Variants in IQCC observed in about 807,000 individuals in gnomAD.
The protein encoded by IQCC is IQ motif containing C, also known as IQ domain-containing protein C.
A neutral mutation model predicts 27.0 loss-of-function variants in IQCC; 23 were observed. The ratio of observed to expected loss-of-function variants is 0.85; its 90% CI spans 0.61 to 1.21. The LOEUF is 1.21. Ranked by LOEUF, IQCC falls within the 50% of genes most tolerant of loss-of-function variation. The pLI is 0.00. For missense variants in IQCC, 552 were observed against 562.3 expected (o/e 0.98, Z 0.19); for synonymous variants, 220 against 217.2 (o/e 1.01, Z -0.11).
chr1:32,207,444 C>G lies in IQCC; in HGVS notation c.763C>G (p.His255Asp). ...DDSCHRVKSP[H>D]RSPGSLATTQ... Reference sequence around the variant, plus strand: ...CTCCTGTCACAGGGTCAAATCACCCCACAGATCCCCAGGAAGTTTGGCCAC... The same window carrying G: ...CTCCTGTCACAGGGTCAAATCACCCGACAGATCCCCAGGAAGTTTGGCCAC... Residue 255 changes from histidine (H) to aspartate (D), a missense_variant, in exon 5 of 5, where the codon CAC (histidine) becomes GAC (aspartate). Transcript: ENST00000291358. 1 of 1,613,814 alleles carries G rather than the reference C, an allele frequency of 6.2e-7. No individual in the cohort carries two copies. Among genetic ancestry groups the G allele is most frequent in the Middle Eastern group, 1.6e-4 (1 of 6,062 alleles).
rs747607918 is a variant in IQCC, at chr1:32,207,849, C to G, written c.1168C>G (p.Pro390Ala). The G allele has an allele frequency of 1.2e-6, 2 of 1,613,872 alleles. No homozygotes were observed. Among genetic ancestry groups the G allele is most frequent in the East Asian group, 4.5e-5 (2 of 44,886 alleles). The change falls in exon 5 of 5, where the codon CCA becomes GCA. Residue 390 changes from proline (P) to alanine (A), a missense_variant. Pro to Ala is a conservative substitution (Grantham distance 27). Coordinates refer to ENST00000291358, the MANE Select transcript of IQCC (RefSeq NM_018134.3). ...CATCTGGGATGGTACCTTGGGGGGG[C>G]CAGAGCATAGTGTCCTCGATCTCTG... is the stretch of plus-strand genomic sequence containing the variant. ...HIIWDGTLGG[P>A]EHSVLDLWRT...
In IQCC at chr1:32,206,829, T is replaced by G. The variant is rs1047654009; in HGVS notation, c.439+68T>G. The G allele has an allele frequency of 1.9e-6, 3 of 1,567,594 alleles. No homozygotes were observed. The East Asian group carries it at 6.7e-5, about 35-fold the overall frequency. ...GTGCCTCAGCCTCCCATCTGAAGAG[T>G]GAAAGGCTTGCGCTAGATAAGCTGC... On this transcript the variant is annotated intron_variant, in intron 3 of 4. Transcript: ENST00000291358.
intron 1 of IQCC, 71 bp from the exon 2 acceptor site, chr1:32,206,083 A>T: frequency 6.2e-7 from 1 of 1,610,692 alleles, no homozygotes; most frequent in Non-Finnish European, 8.5e-7. Flanking sequence ...CGACCTCTTC[A>T]GGACAGTCCT....
chr1:32,205,857 T>A lies in IQCC; in HGVS notation c.42+134T>A, dbSNP rs1557521327. On this transcript the variant is annotated intron_variant, in intron 1 of 4. Coordinates refer to ENST00000291358, the MANE Select transcript of IQCC (RefSeq NM_018134.3). The surrounding 1 kb of genome is among the most constrained non-coding windows in gnomAD (Gnocchi z 5.6). ...CGCCAACCTCTGGAGATACCGGCTG[T>A]CCCCAACCGCGCTGAGGAAAGCTGG... The A allele has an allele frequency of 1.9e-6, 3 of 1,553,658 alleles. No individual in the cohort carries two copies. The highest frequency in any genetic ancestry group is 2.6e-6 in the Non-Finnish European group (3 of 1,148,366).
At position 32,206,166 on chromosome 1, in the gene IQCC, G is replaced by A; in HGVS notation, c.55G>A (p.Gly19Ser). The change falls in exon 2 of 5, where the codon GGC (glycine) becomes AGC (serine). Residue 19 changes from glycine to serine, a missense_variant. Transcript: ENST00000291358. Reference protein sequence around the residue: ...KVSALQACVRGFLVRRQFQSL... With the variant: ...KVSALQACVRSFLVRRQFQSL... ...TTCTCCATACCAGGCCTGCGTCCGG[G>A]GCTTCTTGGTCCGACGCCAGTTCCA... is the stretch of plus-strand genomic sequence containing the variant. 1 of 1,614,128 alleles carries A rather than the reference G, an allele frequency of 6.2e-7. No homozygotes were observed. Among genetic ancestry groups the A allele is most frequent in the Non-Finnish European group, 8.5e-7 (1 of 1,180,012 alleles).
chr1:32,206,088 A>C (rs1270290403), intron 1 of IQCC, 66 bp from the exon 2 acceptor site: 22 of 1,610,912 alleles, frequency 1.4e-5, no homozygotes, highest in Non-Finnish European at 1.6e-5. Flanking sequence ...TCTTCAGGAC[A>C]GTCCTCCGAG....
chr1:32,206,508 G>A lies in IQCC; in HGVS notation c.187-1G>A, dbSNP rs867660301. 7.4e-6 allele frequency: 12 copies of A among 1,613,958 alleles called. No homozygotes were observed. Among genetic ancestry groups the A allele is most frequent in the Admixed American group, 5.0e-5 (3 of 60,002 alleles). On this transcript the variant is annotated splice_acceptor_variant, in intron 2 of 4. Transcript: ENST00000291358. LOFTEE classifies it high-confidence loss of function. ...GCTCTCACATCTCTCTTGTTTCTCA[G>A]AAGGCAAAATCCCATCAGACCTGGA...
Position 32,207,568 on chromosome 1 carries a change from A to T in IQCC, c.887A>T (p.Asp296Val). The change falls in exon 5 of 5, where the codon GAC becomes GTC. Residue 296 changes from aspartate to valine, a missense_variant. Physicochemically the swap from Asp to Val is radical, Grantham distance 152 (BLOSUM62 -3). Transcript: ENST00000291358. ...SIPSNSQALG[D>V]RLTKGPDDGR... ...CCATCAAACAGCCAGGCCTTGGGGGACAGGCTCACCAAAGGGCCAGACGAT... is the reference window on the plus strand; with the variant it reads ...CCATCAAACAGCCAGGCCTTGGGGGTCAGGCTCACCAAAGGGCCAGACGAT... 1 of 1,612,540 alleles carries T rather than the reference A, an allele frequency of 6.2e-7. No individual in the cohort carries two copies. The highest frequency in any genetic ancestry group is 1.7e-5 in the Admixed American group (1 of 59,840).
chr1:32,207,717 T>C lies in IQCC; in HGVS notation c.1036T>C (p.Tyr346His). ...GTCCAGGACACAGCTGTCTGCACTC[T>C]ATGAGGACTCAAATATTAAGGAGAT... is the stretch of plus-strand genomic sequence containing the variant. ...RKSRTQLSAL[Y>H]EDSNIKEMSP... Residue 346 changes from tyrosine to histidine, a missense_variant, in exon 5 of 5, where the codon TAT (tyrosine) becomes CAT (histidine). Physicochemically the swap from Tyr to His is moderately conservative, Grantham distance 83 (BLOSUM62 2). Transcript: ENST00000291358. The C allele has an allele frequency of 6.2e-7, 1 of 1,614,032 alleles. No individual in the cohort carries two copies. Among genetic ancestry groups the C allele is most frequent in the South Asian group, 1.1e-5 (1 of 91,088 alleles).
chr1:32,206,810 C>T (rs770277671), intron 3 of IQCC, 49 bp downstream of exon 3: 5 of 1,596,574 alleles, frequency 3.1e-6, no homozygotes. Flanking sequence ...CACTGTGCCT[C>T]AGCCTCCCAT....
Position 32,206,230 on chromosome 1 carries a change from T to C in IQCC, c.119T>C (p.Val40Ala). 6.2e-7 allele frequency: 1 copy of C among 1,613,962 alleles called. No homozygotes were observed. Among genetic ancestry groups the C allele is most frequent in the South Asian group, 1.1e-5 (1 of 91,070 alleles). The change falls in exon 2 of 5, where the codon GTC becomes GCC. Residue 40 changes from valine (V) to alanine (A), a missense_variant. By Grantham distance (64) the Val-to-Ala change is moderately conservative. Transcript: ENST00000291358. ...RAEYEAIVREVEGDLGTLQWT... is the reference protein window; with the variant it reads ...RAEYEAIVREAEGDLGTLQWT... ...GAGTATGAGGCGATTGTACGAGAGGTCGAGGGCGACCTGGGCACGCTTCAG... is the reference window on the plus strand; with the variant it reads ...GAGTATGAGGCGATTGTACGAGAGGCCGAGGGCGACCTGGGCACGCTTCAG...
At chr1:32,206,439 G>T in intron 2 of IQCC, 70 bp from the exon 3 acceptor site, 1 of 1,606,654 alleles carries the variant, frequency 6.2e-7, no homozygotes, top group Admixed American at 1.7e-5. Flanking sequence ...CAACTTGTCT[G>T]CTAGATCATG....
Position 32,208,344 on chromosome 1 carries a change from A to G in IQCC, c.*262A>G, listed in dbSNP as rs974727240. 5.8e-5 allele frequency: 22 copies of G among 379,522 alleles called. No homozygotes were observed. Among genetic ancestry groups the G allele is most frequent in the Non-Finnish European group, 1.0e-4 (21 of 210,942 alleles). The allele number at this position is 379,522 out of a possible 1,614,324, so 23.5% of individuals were successfully genotyped here. On this transcript the variant is annotated 3_prime_UTR_variant, in exon 5 of 5. Transcript: ENST00000291358. ...CCGGGTGCAGTGGCTCACACCTGTA[A>G]TCCCAGCACTTTGGGAGGCCAAGGT...
rs1643401771 is a variant in IQCC at position 32,207,534 on chromosome 1, T to C, written c.853T>C (p.Ser285Pro). ...ATGCTACAGCAAGTCTGGACCACCG[T>C]CGTCTATACCATCAAACAGCCAGGC... The part of the protein sequence containing the change: ...EPCYSKSGPP[S>P]SIPSNSQALG... Residue 285 changes from serine (S) to proline (P), a missense_variant, in exon 5 of 5, where the codon TCG becomes CCG. Coordinates refer to ENST00000291358, the MANE Select transcript of IQCC (RefSeq NM_018134.3). The C allele has an allele frequency of 3.2e-5, 51 of 1,611,130 alleles. No homozygotes were observed. Among genetic ancestry groups the C allele is most frequent in the Non-Finnish European group, 4.2e-5 (50 of 1,178,272 alleles).
At position 32,207,310 on chromosome 1, in the gene IQCC, T is replaced by C. The variant is rs1167788816; in HGVS notation, c.629T>C (p.Leu210Pro). Residue 210 changes from leucine to proline, a missense_variant, in exon 5 of 5, where the codon CTA becomes CCA. Physicochemically the swap from Leu to Pro is moderately conservative, Grantham distance 98. Transcript: ENST00000291358. ...GPIREEPRVF[L>P]EHGEQACERD... is the part of the protein sequence containing the mutation. Reference sequence around the variant, plus strand: ...ATCAGAGAGGAACCCCGCGTGTTCCTAGAACATGGGGAACAGGCCTGTGAG... The same window carrying C: ...ATCAGAGAGGAACCCCGCGTGTTCCCAGAACATGGGGAACAGGCCTGTGAG... 1.2e-6 allele frequency: 2 copies of C among 1,613,602 alleles called. No homozygotes were observed. The highest frequency in any genetic ancestry group is 1.7e-6 in the Non-Finnish European group (2 of 1,179,940).
In IQCC at chr1:32,207,990, A is replaced by G. The variant is rs766482440; in HGVS notation, c.1309A>G (p.Lys437Glu). ...KKQRTIPWRS[K>E]SPEILSSTKA... The stretch of plus-strand genomic sequence containing the variant: ...GCAGAGGACTATACCATGGAGATCA[A>G]AGTCACCTGAGATTCTGTCTTCTAC... The change falls in exon 5 of 5, where the codon AAG becomes GAG. Residue 437 changes from lysine to glutamate, a missense_variant. Coordinates refer to ENST00000291358, the MANE Select transcript of IQCC (RefSeq NM_018134.3). 1.9e-6 allele frequency: 3 copies of G among 1,614,182 alleles called. No homozygotes were observed. The highest frequency in any genetic ancestry group is 1.1e-5 in the South Asian group (1 of 91,088).
At chr1:32,206,808 C>G (rs776953485) in intron 3 of IQCC, 47 bp downstream of exon 3, 1 of 1,597,040 alleles carries the variant, frequency 6.3e-7, no homozygotes, top group East Asian at 2.2e-5. Flanking sequence ...CTCACTGTGC[C>G]TCAGCCTCCC....
In IQCC at chr1:32,207,896, C is replaced by G. The variant is rs1643424131; in HGVS notation, c.1215C>G (p.Gly405=). The change falls in exon 5 of 5, where the codon GGC becomes GGG. Residue 405 remains glycine, a synonymous_variant. Coordinates refer to ENST00000291358, the MANE Select transcript of IQCC (RefSeq NM_018134.3). ...TCTGGAGGACTAAACCACCCAAAGG[C>G]CAGGCCCCCACTGATAGAAGCTCCA... ...LDLWRTKPPK[G]QAPTDRSSRD... The G allele has an allele frequency of 6.2e-7, 1 of 1,614,102 alleles. No individual in the cohort carries two copies. The highest frequency in any genetic ancestry group is 8.5e-7 in the Non-Finnish European group (1 of 1,180,006).
chr1:32,207,525 G>A lies in IQCC; in HGVS notation c.844G>A (p.Gly282Arg). The change falls in exon 5 of 5, where the codon GGA (glycine) becomes AGA (arginine). Residue 282 changes from glycine to arginine, a missense_variant. Coordinates refer to ENST00000291358, the MANE Select transcript of IQCC (RefSeq NM_018134.3). ...CAGAGAACCATGCTACAGCAAGTCT[G>A]GACCACCGTCGTCTATACCATCAAA... ...KCREPCYSKS[G>R]PPSSIPSNSQ... 1 of 1,611,508 alleles carries A rather than the reference G, an allele frequency of 6.2e-7. No homozygotes were observed. Among genetic ancestry groups the A allele is most frequent in the East Asian group, 2.2e-5 (1 of 44,844 alleles).
Sources: gnomAD v4.1 joint callset for allele counts on GRCh38, gnomAD v4.1.1 for gene constraint, Gnocchi (gnomAD v3.1) non-coding constraint, MANE v1.5 for transcripts, NCBI Gene and HGNC (gene_info 2026-07-23, HGNC 2026-07-21) for gene names.